The following NAAA variants were observed in gnomAD, a reference collection of about 807,000 sequenced individuals.
The protein encoded by NAAA is N-acylethanolamine-hydrolyzing acid amidase.
A neutral mutation model predicts 44.8 loss-of-function variants in NAAA; 39 were observed. The ratio of observed to expected loss-of-function variants is 0.87; its 90% CI spans 0.67 to 1.14. NAAA has a LOEUF of 1.14. Ranked by LOEUF, NAAA falls within the 50% of genes most tolerant of loss-of-function variation. The pLI, the probability that NAAA is intolerant of heterozygous loss-of-function variation, is 0.00. For missense variants in NAAA, 460 were observed against 467.8 expected (o/e 0.98, Z 0.15); for synonymous variants, 178 against 191.3 (o/e 0.93, Z 0.58).
intron 9 of NAAA, among the ~76,000 whole-genome samples, chr4:75,916,784 T>C (rs1725664233): frequency 8.1e-6 from 1 of 123,162 alleles, no homozygotes; most frequent in Admixed American, 7.8e-5. Context: ...ACTTCTTTTT[T>C]TTTTTTTTTT....
chr4:75,940,297 GC>G, intron 1 of NAAA, 132 bp from the exon 2 acceptor site: 1 of 909,056 alleles, frequency 1.1e-6, no homozygotes, highest in Non-Finnish European at 1.6e-6. Flanking sequence ...TCAGTGGACC[GC>G]CCAGGCGCGG....
intron 3 of NAAA, among the ~76,000 whole-genome samples, chr4:75,934,058 A>G (rs201571136): frequency 7.6e-3 from 4 of 528 alleles, no homozygotes; most frequent in Non-Finnish European, 0.052. Context: ...AGTAGTAATA[A>G]TAATAATAAT....
intron 3 of NAAA, among the ~76,000 whole-genome samples, chr4:75,934,361 G>A (rs927832328): frequency 2.0e-5 from 3 of 151,938 alleles, no homozygotes; most frequent in Non-Finnish European, 4.4e-5. Flanking sequence ...CTGTCACTGG[G>A]CTAGAGTGCA....
chr4:75,916,177 CACAAAGGGGCAGCA>C (rs1338986834), intron 9 of NAAA, among the ~76,000 whole-genome samples: 2 of 152,192 alleles, frequency 1.3e-5, no homozygotes, highest in Non-Finnish European at 2.9e-5. Flanking sequence ...TGCAGCATGG[CACAAAGGGGCAGCA>C]TAGAGCTAAC....
At chr4:75,911,775 G>T (rs1725333236), downstream of NAAA, among the ~76,000 whole-genome samples, 1 of 152,190 alleles carries the variant, frequency 6.6e-6, no homozygotes, top group Non-Finnish European at 1.5e-5. Context: ...CTCCTGAGCA[G>T]TAAGGGATTA....
At chr4:75,939,201 C>T (rs1034343613) in intron 2 of NAAA, among the ~76,000 whole-genome samples, 5 of 152,054 alleles carry the variant, frequency 3.3e-5, no homozygotes, top group Admixed American at 2.0e-4. Flanking sequence ...CACTGGCTGG[C>T]CCTATTAGAG....
chr4:75,918,872 G>C (rs981058171), intron 8 of NAAA, 83 bp from the exon 9 acceptor site: 6 of 1,336,182 alleles, frequency 4.5e-6, no homozygotes, highest in African/African-American at 2.9e-5. Flanking sequence ...GCCGGGTGCA[G>C]TGGCTCAGGC....
downstream of NAAA, among the ~76,000 whole-genome samples, chr4:75,912,516 C>T (rs576797175): frequency 5.0e-4 from 74 of 146,790 alleles, 1 homozygote; most frequent in African/African-American, 1.7e-3. Context: ...ATCGTGCCAT[C>T]GCACTCCAGC....
downstream of NAAA, among the ~76,000 whole-genome samples, chr4:75,913,222 C>A (rs922881558): frequency 1.3e-5 from 2 of 152,054 alleles, no homozygotes; most frequent in African/African-American, 4.8e-5. Context: ...TCACTGAGCA[C>A]CAATAATAAG....
intron 9 of NAAA, among the ~76,000 whole-genome samples, chr4:75,918,067 A>T (rs896954957): frequency 6.6e-6 from 1 of 152,230 alleles, no homozygotes; most frequent in Non-Finnish European, 1.5e-5. Context: ...TCACTGCCAG[A>T]ATATTTCAAA....
intron 10 of NAAA, 122 bp from the exon 11 acceptor site, chr4:75,914,460 C>T (rs753191240): frequency 5.3e-5 from 17 of 321,098 alleles, no homozygotes; most frequent in Non-Finnish European, 7.7e-5. Context: ...CTACAAACTC[C>T]ACCTCCCGAG....
At chr4:75,919,144 C>A (rs984873150) in intron 8 of NAAA, among the ~76,000 whole-genome samples, 1 of 152,066 alleles carries the variant, frequency 6.6e-6, no homozygotes, top group African/African-American at 2.4e-5. Flanking sequence ...CAGGGTCAAC[C>A]GATTCTCCTG....
intron 2 of NAAA, 23 bp downstream of exon 2, chr4:75,939,978 C>G: frequency 6.2e-7 from 1 of 1,611,076 alleles, no homozygotes; most frequent in Admixed American, 1.7e-5. Flanking sequence ...CCGCGTTACT[C>G]CGCGCGGGCT....
At chr4:75,921,233 A>G (rs2149253174) in intron 5 of NAAA, 110 bp from the exon 6 acceptor site, 1 of 984,170 alleles carries the variant, frequency 1.0e-6, no homozygotes. Flanking sequence ...TGTCATGACT[A>G]TCACCTTGAT....
At position 75,914,350 on chromosome 4, in the gene NAAA, GA is replaced by G. The variant is rs1483746994; in HGVS notation, c.*37-13del. The G allele has an allele frequency of 2.1e-6, 2 of 951,482 alleles. No individual in the cohort carries two copies. Among genetic ancestry groups the G allele is most frequent in the South Asian group, 4.9e-5 (1 of 20,498 alleles). 58.9% of individuals were successfully genotyped at this position (951,482 alleles called of 1,614,324 possible). On this transcript the variant is annotated splice_polypyrimidine_tract_variant and intron_variant, in intron 10 of 10. Transcript: ENST00000286733. The stretch of plus-strand genomic sequence containing the variant: ...TTTTAAAAAATCATCTGTAAGGGAA[GA>G]AAAAAACGCATTTAATTCAAAGACT...
At chr4:75,938,907 T>G (rs1053802951) in intron 2 of NAAA, among the ~76,000 whole-genome samples, 5 of 152,228 alleles carry the variant, frequency 3.3e-5, no homozygotes, top group African/African-American at 7.2e-5. Flanking sequence ...CAGAGTGCAA[T>G]GGTGCCATCT....
intron 2 of NAAA, among the ~76,000 whole-genome samples, chr4:75,938,579 G>C (rs1279510332): frequency 6.6e-6 from 1 of 152,176 alleles, no homozygotes; most frequent in Non-Finnish European, 1.5e-5. Context: ...ACTCTGCCTA[G>C]GTGTTCTGGG....
At chr4:75,936,297 A>T (rs1393164018) in intron 2 of NAAA, 62 bp from the exon 3 acceptor site, 1 of 1,557,000 alleles carries the variant, frequency 6.4e-7, no homozygotes, top group African/African-American at 1.4e-5. Flanking sequence ...AAGGAAAAGG[A>T]GTTTTTCATT....
chr4:75,915,983 C>T (rs1725591126), intron 9 of NAAA, among the ~76,000 whole-genome samples: 2 of 152,282 alleles, frequency 1.3e-5, no homozygotes, highest in South Asian at 4.1e-4. Context: ...AAATCATACA[C>T]CCAGTTAAAG....
Sources: gnomAD v4.1 joint callset for allele counts (sites outside exome capture counted in the v4.1 genomes callset) on GRCh38, gnomAD v4.1.1 for gene constraint, MANE v1.5 for transcripts, NCBI Gene and HGNC (gene_info 2026-07-23, HGNC 2026-07-21) for gene names.